DNAH3: variants seen among roughly 807,000 people sequenced by gnomAD.
DNAH3 encodes the protein axonemal beta dynein heavy chain 3.
In DNAH3, 332 loss-of-function variants were observed where a neutral mutation model predicts 432.5. The observed-to-expected ratio is 0.77, with a 90% CI of 0.70 to 0.84. The LOEUF (loss-of-function observed/expected upper bound fraction) is 0.84, where lower values mean the gene tolerates loss of function less well. DNAH3 is among the 40% of genes least tolerant of loss of function. The pLI is 0.00. For missense variants in DNAH3, 4,861 were observed against 5,114.0 expected (o/e 0.95, Z 1.51); for synonymous variants, 1,956 against 1,900.2 (o/e 1.03, Z -0.76).
chr16:20,962,140 G>A (rs183034036), intron 53 of DNAH3, among the ~76,000 whole-genome samples: 21 of 151,654 alleles, frequency 1.4e-4, no homozygotes, highest in Admixed American at 1.1e-3. Flanking sequence ...CAGCCTGGGC[G>A]ATAGAGCAAG....
exon 37 of DNAH3, chr16:21,031,091 G>C (rs2088845656): frequency 1.2e-6 from 2 of 1,613,920 alleles, no homozygotes; most frequent in African/African-American, 1.3e-5. Flanking sequence ...AATCCAAATA[G>C]CATCCACTGG....
At chr16:21,152,549 C>G (rs1411944407) in intron 1 of DNAH3, among the ~76,000 whole-genome samples, 2 of 152,270 alleles carry the variant, frequency 1.3e-5, no homozygotes, top group African/African-American at 4.8e-5. Flanking sequence ...CCTTTCTGGG[C>G]TGGGCAAGGC....
chr16:21,115,264 G>A (rs2092162174), intron 12 of DNAH3, among the ~76,000 whole-genome samples: 1 of 151,992 alleles, frequency 6.6e-6, no homozygotes, highest in Non-Finnish European at 1.5e-5. Flanking sequence ...ATCGGGGAGG[G>A]ATAGCATTAG....
Position 20,966,284 on chromosome 16 carries a change from C to T in DNAH3, c.8459-859G>A, listed in dbSNP as rs111538148. On this transcript the variant is annotated intron_variant, in intron 52 of 61. Coordinates refer to ENST00000261383, the Ensembl canonical transcript of DNAH3. ...GAACTCCTGACCTCAGGTGATCCAC[C>T]CACCTCAGCCTCCCAAAGTGCTGGG... Among the ~76,000 whole-genome samples, 18 of 151,924 alleles carry T rather than the reference C, an allele frequency of 1.2e-4. 1 individual carries two copies. Among genetic ancestry groups the T allele is most frequent in the African/African-American group, 4.3e-4 (18 of 41,416 alleles).
intron 39 of DNAH3, among the ~76,000 whole-genome samples, chr16:21,023,659 G>T (rs535708909): frequency 2.7e-4 from 41 of 152,242 alleles, no homozygotes; most frequent in African/African-American, 9.2e-4. Context: ...CAGGAAATGA[G>T]ATTGCAGAGG....
intron 18 of DNAH3, among the ~76,000 whole-genome samples, chr16:21,096,997 C>T (rs1349726951): frequency 1.3e-5 from 2 of 152,026 alleles, no homozygotes; most frequent in African/African-American, 4.8e-5. Flanking sequence ...CTTTCTGGAC[C>T]CCAGATCCTA....
At chr16:21,156,680 T>C (rs1030995922) in intron 1 of DNAH3, among the ~76,000 whole-genome samples, 2 of 152,024 alleles carry the variant, frequency 1.3e-5, no homozygotes, top group African/African-American at 2.4e-5. Flanking sequence ...TGGGAAAGCA[T>C]AGGAGAGGCT....
chr16:21,136,514 C>A lies in DNAH3; in HGVS notation c.697-1G>T. 1.9e-6 allele frequency: 3 copies of A among 1,613,436 alleles called. No homozygotes were observed. The highest frequency in any genetic ancestry group is 2.5e-6 in the Non-Finnish European group (3 of 1,179,408). ...CATTGGTCAGATAGTAATAGTATCTCTTCCATAAACAAACCACCAGCGAGA... is the reference window on the plus strand; with the variant it reads ...CATTGGTCAGATAGTAATAGTATCTATTCCATAAACAAACCACCAGCGAGA... On this transcript the variant is annotated splice_acceptor_variant, in intron 5 of 61. Coordinates refer to ENST00000261383, the Ensembl canonical transcript of DNAH3. LOFTEE classifies it high-confidence loss of function.
chr16:20,942,371 A>G (rs1052754825), intron 58 of DNAH3, among the ~76,000 whole-genome samples: 1 of 152,332 alleles, frequency 6.6e-6, no homozygotes, highest in East Asian at 1.9e-4. Context: ...TCGAGGCTCA[A>G]GGAGGAACAA....
intron 37 of DNAH3, among the ~76,000 whole-genome samples, chr16:21,029,282 C>T (rs775919967): frequency 4.6e-5 from 7 of 152,114 alleles, no homozygotes; most frequent in Non-Finnish European, 1.0e-4. Context: ...TTAGCCCTTT[C>T]GTTGTTGAGC....
chr16:21,149,960 T>C (rs1014640624), intron 1 of DNAH3, among the ~76,000 whole-genome samples: 1 of 152,130 alleles, frequency 6.6e-6, no homozygotes, highest in African/African-American at 2.4e-5. Context: ...ACACGGTGGC[T>C]CACACCTGTA....
chr16:21,133,493 C>T (rs111431765), intron 7 of DNAH3, among the ~76,000 whole-genome samples: 5,668 of 152,044 alleles, frequency 0.037, 178 homozygotes, highest in East Asian at 0.18. Context: ...CTAATCCCAG[C>T]ACTTTGGGAG....
exon 48 of DNAH3, chr16:20,985,404 C>A (rs766705198): frequency 5.0e-6 from 8 of 1,614,148 alleles, no homozygotes; most frequent in Non-Finnish European, 6.8e-6. Context: ...TGAATGTGGA[C>A]AGTTTGGCGG....
intron 41 of DNAH3, among the ~76,000 whole-genome samples, chr16:21,007,729 TTTC>T (rs747339889): frequency 2.0e-5 from 3 of 152,220 alleles, no homozygotes; most frequent in Non-Finnish European, 2.9e-5. Context: ...TTACCTATTT[TTTC>T]TTTTGTCACT....
intron 1 of DNAH3, among the ~76,000 whole-genome samples, chr16:21,148,322 T>C (rs2092811418): frequency 6.6e-6 from 1 of 152,154 alleles, no homozygotes. Flanking sequence ...GAGATTTTTT[T>C]CATACCCGCA....
At position 21,075,428 on chromosome 16, in the gene DNAH3, C is replaced by G; in HGVS notation, c.3084+19G>C. The G allele has an allele frequency of 6.5e-7, 1 of 1,542,814 alleles. No individual in the cohort carries two copies. Among genetic ancestry groups the G allele is most frequent in the South Asian group, 1.1e-5 (1 of 89,660 alleles). On this transcript the variant is annotated intron_variant, in intron 21 of 61. Transcript: ENST00000261383. The stretch of plus-strand genomic sequence containing the variant: ...ATGGGGCTGCTTTCAAAAGGGGCTG[C>G]GGTTGCAGTGAGACTCACAGTGTCC...
chr16:21,141,369 T>C, exon 4 of DNAH3: 1 of 1,586,412 alleles, frequency 6.3e-7, no homozygotes, highest in Non-Finnish European at 8.6e-7. Flanking sequence ...TGAGCTTCTA[T>C]TTCCTGGAAG....
At chr16:21,148,520 T>C (rs1342318923) in intron 1 of DNAH3, among the ~76,000 whole-genome samples, 1 of 151,858 alleles carries the variant, frequency 6.6e-6, no homozygotes, top group African/African-American at 2.4e-5. Context: ...TCACTACAAC[T>C]GCAACCTCCA....
At chr16:20,938,054 G>C (rs1048257816) in intron 59 of DNAH3, among the ~76,000 whole-genome samples, 2 of 152,136 alleles carry the variant, frequency 1.3e-5, no homozygotes, top group African/African-American at 4.8e-5. Context: ...ATGATCACAT[G>C]CAGGAAGAGG....
Sources: allele counts gnomAD v4.1 joint callset (sites outside exome capture counted in the v4.1 genomes callset), GRCh38; gene constraint gnomAD v4.1.1; transcripts MANE v1.5; gene names NCBI Gene and HGNC (gene_info 2026-07-23, HGNC 2026-07-21).